CRTC1: variants seen among roughly 807,000 people sequenced by gnomAD.
CRTC1 encodes the protein CREB-regulated transcription coactivator 1.
Under a neutral mutation model 66.1 loss-of-function variants are expected in CRTC1, and 18 were observed. The ratio of observed to expected loss-of-function variants is 0.27; its 90% CI spans 0.19 to 0.40. The LOEUF (loss-of-function observed/expected upper bound fraction) is 0.40, where lower values mean the gene tolerates loss of function less well. Among genes scored for constraint, CRTC1 ranks in the 10% least tolerant of loss-of-function variants. The pLI, the probability that CRTC1 is intolerant of heterozygous loss-of-function variation, is 1.00. For synonymous variants in CRTC1, 416 were observed against 398.8 expected, an observed-to-expected ratio of 1.04 and a Z score of -0.51; for missense variants, 669 against 887.9, an observed-to-expected ratio of 0.75 and a Z score of 3.13.
At chr19:18,773,292 C>A (rs1004874851) in intron 11 of CRTC1, among the ~76,000 whole-genome samples, 1 of 152,110 alleles carries the variant, frequency 6.6e-6, no homozygotes, top group Admixed American at 6.5e-5. Flanking sequence ...CCCACACCTG[C>A]TGTGTCCTGC....
intron 1 of CRTC1, among the ~76,000 whole-genome samples, chr19:18,694,071 G>T (rs2052922809): frequency 6.6e-6 from 1 of 151,150 alleles, no homozygotes; most frequent in Non-Finnish European, 1.5e-5. Context: ...GGTGGAGGTT[G>T]CAGTGAGCTG....
At position 18,713,120 on chromosome 19, in the gene CRTC1, TG is replaced by T. The variant is rs755633765; in HGVS notation, c.126+29294del. Among the ~76,000 whole-genome samples the T allele has an allele frequency of 1.7e-4, 26 of 152,348 alleles. 1 individual carries two copies. In the East Asian group the frequency reaches 5.0e-3, roughly 29 times the overall value. ...CTCACACTATGTGGCGTTTTGTGTC[TG>T]GCCTCTCTCACTCAGCATCGTGTCT... is the stretch of plus-strand genomic sequence containing the variant. On this transcript the variant is annotated intron_variant, in intron 1 of 13. Transcript: ENST00000321949.
In CRTC1 at chr19:18,698,346, G is replaced by T. The variant is rs562052689; in HGVS notation, c.126+14518G>T. Among the ~76,000 whole-genome samples the T allele has an allele frequency of 1.9e-3, 282 of 149,722 alleles. 2 individuals are homozygous for T. Among genetic ancestry groups the T allele is most frequent in the African/African-American group, 6.6e-3 (268 of 40,424 alleles). On this transcript the variant is annotated intron_variant, in intron 1 of 13. Coordinates refer to ENST00000321949, the MANE Select transcript of CRTC1 (RefSeq NM_015321.3). ...TGTGTACTCAGCAAGTGCTTAGCAG[G>T]TGCACAGTGTGTACTCAGCAGGTGC...
In CRTC1 at chr19:18,765,388, C is replaced by T. The variant is rs751725177; in HGVS notation, c.887-16C>T. On this transcript the variant is annotated splice_polypyrimidine_tract_variant and intron_variant, in intron 8 of 13. Coordinates refer to ENST00000321949, the MANE Select transcript of CRTC1 (RefSeq NM_015321.3). The stretch of plus-strand genomic sequence containing the variant: ...AGTCTCACACCTGCTCTCCCTCCCT[C>T]CTACTTCCTCTCTAGGAATGAGCAC... 28 of 1,604,644 alleles carry T rather than the reference C, an allele frequency of 1.7e-5. No homozygotes were observed. The African/African-American group carries it at 3.6e-4, about 21-fold the overall frequency.
At chr19:18,744,988 G>A (rs931022802) in intron 2 of CRTC1, among the ~76,000 whole-genome samples, 2 of 152,222 alleles carry the variant, frequency 1.3e-5, no homozygotes, top group Admixed American at 6.5e-5. Flanking sequence ...GGGCCAGATG[G>A]CCGGACTGGG....
chr19:18,711,804 G>A (rs1013458181), intron 1 of CRTC1, among the ~76,000 whole-genome samples: 4 of 152,210 alleles, frequency 2.6e-5, no homozygotes, highest in East Asian at 3.8e-4. Context: ...ATGTGGGACC[G>A]TGGTGGCTTC....
chr19:18,735,041 A>G (rs546676419), intron 1 of CRTC1, among the ~76,000 whole-genome samples: 12 of 152,344 alleles, frequency 7.9e-5, no homozygotes, highest in Non-Finnish European at 1.5e-4. Context: ...CAACACGCAC[A>G]GGTGATGGCG....
chr19:18,698,305 C>T (rs577389348), intron 1 of CRTC1, among the ~76,000 whole-genome samples: 8 of 149,356 alleles, frequency 5.4e-5, no homozygotes, highest in African/African-American at 1.2e-4. Context: ...ACTCAGCAGG[C>T]GCTCAGCAGG....
chr19:18,770,851 GGT>G (rs928398974), intron 10 of CRTC1, among the ~76,000 whole-genome samples: 24 of 143,136 alleles, frequency 1.7e-4, no homozygotes, highest in African/African-American at 6.0e-4. Context: ...TGTGCATGTG[GGT>G]GTGGGTGTGC....
chr19:18,685,300 A>G (rs2052661230), intron 1 of CRTC1, among the ~76,000 whole-genome samples: 1 of 152,060 alleles, frequency 6.6e-6, no homozygotes, highest in East Asian at 1.9e-4. Context: ...CCCAGCTCCA[A>G]GCAGCTACAT....
intron 8 of CRTC1, among the ~76,000 whole-genome samples, chr19:18,761,821 G>A (rs943804477): frequency 3.9e-5 from 6 of 152,096 alleles, no homozygotes; most frequent in African/African-American, 1.4e-4. Context: ...TGGGTTTTTT[G>A]GAGGAGGGCA....
At chr19:18,736,595 G>A (rs972643345) in intron 1 of CRTC1, among the ~76,000 whole-genome samples, 1 of 152,004 alleles carries the variant, frequency 6.6e-6, no homozygotes, top group East Asian at 1.9e-4. Flanking sequence ...TCTGGTACAG[G>A]CAGCACCCGT....
chr19:18,778,880 G>A lies in CRTC1; in HGVS notation c.*1498G>A. 4.3e-6 allele frequency: 1 copy of A among 231,536 alleles called. No homozygotes were observed. Among genetic ancestry groups the A allele is most frequent in the Non-Finnish European group, 8.5e-6 (1 of 116,968 alleles). The allele number at this position is 231,536 out of a possible 1,614,324, so 14.3% of individuals were successfully genotyped here. On this transcript the variant is annotated 3_prime_UTR_variant, in exon 14 of 14. Coordinates refer to ENST00000321949, the MANE Select transcript of CRTC1 (RefSeq NM_015321.3). ...CACACCCCCTCTCTTGGGCAGCGTG[G>A]TCTGCTGGCTGCCCCTTCTTGGCAG...
At chr19:18,773,543 C>T (rs150359056) in intron 11 of CRTC1, among the ~76,000 whole-genome samples, 395 of 152,306 alleles carry the variant, frequency 2.6e-3, no homozygotes, top group African/African-American at 8.7e-3. Flanking sequence ...CCCCGAGCCC[C>T]AGGACAGACC....
chr19:18,711,860 A>T (rs1031779555), intron 1 of CRTC1, among the ~76,000 whole-genome samples: 5 of 151,910 alleles, frequency 3.3e-5, no homozygotes, highest in African/African-American at 1.2e-4. Flanking sequence ...CCCTCCACCC[A>T]CCCCCACACT....
chr19:18,754,489 G>C (rs1030388753), intron 6 of CRTC1, among the ~76,000 whole-genome samples: 14 of 152,182 alleles, frequency 9.2e-5, no homozygotes, highest in Non-Finnish European at 4.4e-5. Context: ...CTCCACCCTG[G>C]ACAATAGAGC....
intron 1 of CRTC1, among the ~76,000 whole-genome samples, chr19:18,714,749 C>T (rs967392837): frequency 1.3e-5 from 2 of 152,184 alleles, no homozygotes; most frequent in African/African-American, 2.4e-5. Flanking sequence ...ATTGAGGTGT[C>T]GTTCTCACCC....
At chr19:18,748,709 AAAAG>A (rs2054299571) in intron 4 of CRTC1, among the ~76,000 whole-genome samples, 1 of 150,718 alleles carries the variant, frequency 6.6e-6, no homozygotes, top group Admixed American at 6.6e-5. Context: ...CAAAAAAAAA[AAAAG>A]AAAAACCATA....
chr19:18,699,069 C>A (rs536568092), intron 1 of CRTC1, among the ~76,000 whole-genome samples: 1 of 151,910 alleles, frequency 6.6e-6, no homozygotes, highest in Non-Finnish European at 1.5e-5. Flanking sequence ...ATTTAGCAGG[C>A]GCTCAGCAGG....
Sources: allele counts gnomAD v4.1 joint callset (sites outside exome capture counted in the v4.1 genomes callset), GRCh38; gene constraint gnomAD v4.1.1; transcripts MANE v1.5; gene names NCBI Gene and HGNC (gene_info 2026-07-23, HGNC 2026-07-21).